PRDM10: variants seen among roughly 807,000 people sequenced by gnomAD.
The protein encoded by PRDM10 is PR domain zinc finger protein 10.
In PRDM10, 65 loss-of-function variants were observed where a neutral mutation model predicts 133.1. The observed-to-expected ratio is 0.49, with a 90% confidence interval of 0.40 to 0.60. The LOEUF (loss-of-function observed/expected upper bound fraction) is 0.60, where lower values mean the gene tolerates loss of function less well. Among genes scored for constraint, PRDM10 ranks in the 20% least tolerant of loss-of-function variants. The probability of loss-of-function intolerance (pLI) is 0.00; values close to 1 mark genes in which losing one functional copy is unlikely to be tolerated. For missense variants in PRDM10, 1,137 were observed against 1,507.1 expected, an observed-to-expected ratio of 0.75 and a Z score of 4.07; for synonymous variants, 582 against 580.4, an observed-to-expected ratio of 1.00 and a Z score of -0.04.
intron 1 of PRDM10, among the ~76,000 whole-genome samples, chr11:129,966,372 G>A (rs1459243952): frequency 6.6e-6 from 1 of 152,158 alleles, no homozygotes; most frequent in Non-Finnish European, 1.5e-5. Context: ...TAACATTTCT[G>A]AAATAGGGAT....
intron 20 of PRDM10, among the ~76,000 whole-genome samples, chr11:129,904,284 A>G (rs1282139467): frequency 6.6e-6 from 1 of 151,996 alleles, no homozygotes; most frequent in Non-Finnish European, 1.5e-5. Context: ...GCCATTGAAG[A>G]GCATTTTTCC....
intron 1 of PRDM10, among the ~76,000 whole-genome samples, chr11:129,988,731 G>A (rs1346568324): frequency 1.3e-5 from 2 of 152,014 alleles, no homozygotes; most frequent in African/African-American, 4.8e-5. Context: ...CCAGGTTCAC[G>A]CCATTCTCCT....
chr11:129,967,821 G>A (rs752198194), intron 1 of PRDM10, among the ~76,000 whole-genome samples: 2 of 152,064 alleles, frequency 1.3e-5, no homozygotes, highest in African/African-American at 2.4e-5. Context: ...CTGGGCAGGC[G>A]CCAGACAATG....
intron 18 of PRDM10, 40 bp downstream of exon 18, chr11:129,912,045 G>A: frequency 1.3e-6 from 2 of 1,528,904 alleles, no homozygotes; most frequent in Non-Finnish European, 1.8e-6. Context: ...AATCCCTGAA[G>A]CCATGATAAC....
At chr11:129,986,515 T>C (rs1204011971) in intron 1 of PRDM10, among the ~76,000 whole-genome samples, 1 of 152,034 alleles carries the variant, frequency 6.6e-6, no homozygotes, top group Non-Finnish European at 1.5e-5. Context: ...GAAACACGAG[T>C]AGCTGGGACT....
chr11:129,940,005 G>T (rs747626253), intron 7 of PRDM10, among the ~76,000 whole-genome samples: 7 of 152,194 alleles, frequency 4.6e-5, no homozygotes, highest in Non-Finnish European at 7.3e-5. Flanking sequence ...TGGCACAGAA[G>T]ATGACAGCAC....
At chr11:129,963,163 T>C (rs1352829001) in intron 1 of PRDM10, among the ~76,000 whole-genome samples, 2 of 141,280 alleles carry the variant, frequency 1.4e-5, no homozygotes, top group Admixed American at 1.4e-4. Context: ...AAAAAAAAAA[T>C]GAAAGGAATA....
At position 129,981,711 on chromosome 11, in the gene PRDM10, C is replaced by T. The variant is rs568738324; in HGVS notation, c.-118-20629G>A. Among the ~76,000 whole-genome samples the T allele has an allele frequency of 1.0e-3, 153 of 152,010 alleles. 1 individual carries two copies. The highest frequency in any genetic ancestry group is 3.6e-3 in the African/African-American group (149 of 41,466). On this transcript the variant is annotated intron_variant, in intron 1 of 20. Coordinates refer to ENST00000360871, the MANE Select transcript of PRDM10 (RefSeq NM_199437.2). The stretch of plus-strand genomic sequence containing the variant: ...AGGAGTTCAAGACCAACCTGGTCAA[C>T]ATGGCGAAACCCCGTCTCTACTAAA...
At chr11:129,963,626 T>C (rs941762944) in intron 1 of PRDM10, among the ~76,000 whole-genome samples, 1 of 148,952 alleles carries the variant, frequency 6.7e-6, no homozygotes, top group East Asian at 1.9e-4. Context: ...CCTCTTTCTC[T>C]TTCTTTCCCT....
chr11:129,903,409 T>A (rs1949907234), intron 20 of PRDM10, among the ~76,000 whole-genome samples: 1 of 151,890 alleles, frequency 6.6e-6, no homozygotes, highest in South Asian at 2.1e-4. Flanking sequence ...ATAGACATTT[T>A]AACACTCAAG....
chr11:129,966,219 AGGCAAC>A (rs1328409452), intron 1 of PRDM10, among the ~76,000 whole-genome samples: 8 of 152,114 alleles, frequency 5.3e-5, no homozygotes, highest in Non-Finnish European at 8.8e-5. Flanking sequence ...ACTCCAGCCT[AGGCAAC>A]AAGAGGGAGA....
In PRDM10 at chr11:129,960,942, G is replaced by A. The variant is rs558494860; in HGVS notation, c.23C>T (p.Ser8Leu). 2.5e-6 allele frequency: 4 copies of A among 1,614,118 alleles called. No individual in the cohort carries two copies. Among genetic ancestry groups the A allele is most frequent in the South Asian group, 2.2e-5 (2 of 91,076 alleles). MDSKDES[S>L]HVWPTSAEHE... ...CTCTGCAGATGTCGGCCACACATGCGAGCTTTCATCTTTGGAATCCATCTT... is the reference window on the plus strand; with the variant it reads ...CTCTGCAGATGTCGGCCACACATGCAAGCTTTCATCTTTGGAATCCATCTT... Residue 8 changes from serine (S) to leucine (L), a missense_variant, in exon 2 of 21, where the codon TCG (serine) becomes TTG (leucine). Ser to Leu is a moderately radical substitution (Grantham distance 145). Around this residue, in one of 6 missense-constraint regions of PRDM10, gnomAD observed 635 missense variants for 835.2 expected, o/e 0.76. Transcript: ENST00000360871.
intron 15 of PRDM10, among the ~76,000 whole-genome samples, chr11:129,916,507 T>C (rs941468958): frequency 6.6e-6 from 1 of 152,124 alleles, no homozygotes; most frequent in Non-Finnish European, 1.5e-5. Flanking sequence ...GCGTGGGGGC[T>C]GGCGCCTGTA....
intron 1 of PRDM10, among the ~76,000 whole-genome samples, chr11:129,990,264 T>G (rs574026281): frequency 6.6e-6 from 1 of 151,920 alleles, no homozygotes; most frequent in Non-Finnish European, 1.5e-5. Flanking sequence ...GAGAACAGCA[T>G]GAACCCAGGA....
At chr11:129,987,621 A>C (rs947717155) in intron 1 of PRDM10, among the ~76,000 whole-genome samples, 5 of 152,152 alleles carry the variant, frequency 3.3e-5, no homozygotes, top group African/African-American at 4.8e-5. Context: ...TAATAGCTAA[A>C]AAATGGAAAC....
intron 18 of PRDM10, among the ~76,000 whole-genome samples, chr11:129,911,039 G>C (rs1034547946): frequency 1.3e-5 from 2 of 152,156 alleles, no homozygotes; most frequent in South Asian, 2.1e-4. Context: ...GCCTCCCAAA[G>C]TGCTGGGATT....
At position 129,902,535 on chromosome 11, in the gene PRDM10, G is replaced by T; in HGVS notation, c.3268-19C>A. ...AATGACCCTAGAGGAAGAAGAAAAG[G>T]ATCCTTAAAAACTTGGGGCCTTAAA... On this transcript the variant is annotated intron_variant, in intron 20 of 20. Transcript: ENST00000360871. 6.2e-7 allele frequency: 1 copy of T among 1,609,262 alleles called. No individual in the cohort carries two copies. The highest frequency in any genetic ancestry group is 8.5e-7 in the Non-Finnish European group (1 of 1,177,374).
intron 1 of PRDM10, among the ~76,000 whole-genome samples, chr11:129,977,367 T>G (rs1284584813): frequency 6.6e-6 from 1 of 151,834 alleles, no homozygotes; most frequent in African/African-American, 2.4e-5. Context: ...CACTGCAATC[T>G]CCGACTCCCT....
chr11:129,962,041 G>A (rs1253625339), intron 1 of PRDM10, among the ~76,000 whole-genome samples: 1 of 152,132 alleles, frequency 6.6e-6, no homozygotes, highest in Non-Finnish European at 1.5e-5. Flanking sequence ...AGTGGAGGGA[G>A]CTACATTTTC....
Sources: gnomAD v4.1 joint callset for allele counts (sites outside exome capture counted in the v4.1 genomes callset) on GRCh38, gnomAD v4.1.1 for gene constraint, gnomAD v4.1.1 regional missense constraint, MANE v1.5 for transcripts, NCBI Gene and HGNC (gene_info 2026-07-23, HGNC 2026-07-21) for gene names.